ATP8B1: variants seen among roughly 807,000 people sequenced by gnomAD.
The protein encoded by ATP8B1 is ATPase phospholipid transporting 8B1.
ATP8B1 carries 80 observed loss-of-function variants against 149.9 expected under a neutral mutation model. The ratio of observed to expected loss-of-function variants is 0.53; its 90% CI spans 0.45 to 0.64. The LOEUF is 0.64. Ranked by LOEUF, ATP8B1 falls within the 30% of genes least tolerant of loss-of-function variation. ATP8B1 has a pLI of 0.00. For missense variants in ATP8B1, 1,247 were observed against 1,552.6 expected (o/e 0.80, Z 3.31); for synonymous variants, 536 against 562.8 (o/e 0.95, Z 0.67).
At position 57,651,378 on chromosome 18, in the gene ATP8B1, T is replaced by A. The variant is rs8090219; in HGVS notation, c.3400+656A>T. 5.0e-3 allele frequency among the ~76,000 whole-genome samples: 755 copies of A among 152,328 alleles called. 5 individuals carry two copies. The highest frequency in any genetic ancestry group is 0.017 in the African/African-American group (713 of 41,570). ...ATATTGGCCTCCCAAAGTGCTGGGA[T>A]TACAGGCGTGAGCTACCACATCTAG... is the stretch of plus-strand genomic sequence containing the variant. On this transcript the variant is annotated intron_variant, in intron 26 of 27. Coordinates refer to ENST00000648908, the MANE Select transcript of ATP8B1 (RefSeq NM_001374385.1).
In ATP8B1 at chr18:57,695,257, C is replaced by A. The variant is rs754073606; in HGVS notation, c.854G>T (p.Ser285Ile). Reference sequence around the variant, plus strand: ...AATTTTATCAGCATCCAAAGGAAAACTTGTGTTTCTCCAAAATAGTGTTCC... The same window carrying A: ...AATTTTATCAGCATCCAAAGGAAAAATTGTGTTTCTCCAAAATAGTGTTCC... ...FTGTLFWRNTSFPLDADKILL... is the reference protein window; with the variant it reads ...FTGTLFWRNTIFPLDADKILL... Residue 285 changes from serine to isoleucine, a missense_variant, in exon 10 of 28, where the codon AGT becomes ATT. Around this residue, in one of 3 missense-constraint regions of ATP8B1, gnomAD observed 853 missense variants for 1,035.7 expected, o/e 0.82. Transcript: ENST00000648908. 15 of 1,613,760 alleles carry A rather than the reference C, an allele frequency of 9.3e-6. No homozygotes were observed. The highest frequency in any genetic ancestry group is 1.3e-5 in the Non-Finnish European group (15 of 1,179,796).
At chr18:57,779,378 A>C (rs938221685) in intron 1 of ATP8B1, among the ~76,000 whole-genome samples, 2 of 152,108 alleles carry the variant, frequency 1.3e-5, no homozygotes, top group African/African-American at 2.4e-5. Flanking sequence ...CAGCAGAGAG[A>C]AATTACTTCA....
intron 2 of ATP8B1, chr18:57,731,364 T>A: frequency 5.5e-6 from 1 of 183,212 alleles, no homozygotes; most frequent in South Asian, 6.7e-5. Flanking sequence ...TATATATATA[T>A]ATATATATAT....
At chr18:57,731,006 T>C (rs1273366140) in intron 2 of ATP8B1, among the ~76,000 whole-genome samples, 3 of 152,118 alleles carry the variant, frequency 2.0e-5, no homozygotes, top group Non-Finnish European at 4.4e-5. Context: ...TAAGAATATA[T>C]ACACTGGCTA....
At chr18:57,758,064 A>G (rs1189031485) in intron 1 of ATP8B1, among the ~76,000 whole-genome samples, 2 of 152,140 alleles carry the variant, frequency 1.3e-5, no homozygotes, top group African/African-American at 2.4e-5. Flanking sequence ...GACTGGTCTT[A>G]GGCGGGAGGA....
chr18:57,800,237 G>A (rs2080561161), intron 1 of ATP8B1, among the ~76,000 whole-genome samples: 4 of 152,240 alleles, frequency 2.6e-5, no homozygotes, highest in African/African-American at 9.6e-5. Flanking sequence ...GCTCACACCT[G>A]TAATCCCAGC....
Position 57,792,883 on chromosome 18 carries a change from A to C in ATP8B1, c.-26+10115T>G, listed in dbSNP as rs546289275. Among the ~76,000 whole-genome samples the C allele has an allele frequency of 1.6e-4, 24 of 152,250 alleles. No individual in the cohort carries two copies. The South Asian group carries it at 3.5e-3, about 22-fold the overall frequency. On this transcript the variant is annotated intron_variant, in intron 1 of 27. Transcript: ENST00000648908. ...TAGGGAGGGGGACTAGGGGCTTGTG[A>C]GTGGCAATAGCTGCAGCAGCAGCCC...
chr18:57,764,245 GCCTT>G (rs564194950), intron 1 of ATP8B1, among the ~76,000 whole-genome samples: 45 of 151,916 alleles, frequency 3.0e-4, no homozygotes, highest in African/African-American at 8.9e-4. Flanking sequence ...CAGGGAGCCT[GCCTT>G]CCTTCCTTCC....
At chr18:57,703,554 C>A (rs527572156) in intron 4 of ATP8B1, among the ~76,000 whole-genome samples, 5 of 137,822 alleles carry the variant, frequency 3.6e-5, no homozygotes, top group Admixed American at 3.3e-4. Context: ...CCAGCCTGGA[C>A]GACAAGAGCG....
At chr18:57,721,407 C>T (rs1272289418) in intron 2 of ATP8B1, among the ~76,000 whole-genome samples, 11 of 143,374 alleles carry the variant, frequency 7.7e-5, no homozygotes, top group Admixed American at 2.1e-4. Flanking sequence ...GGAAGATCTA[C>T]CAAGCAAATG....
chr18:57,797,995 C>T (rs2663847), intron 1 of ATP8B1, among the ~76,000 whole-genome samples: 21,562 of 152,128 alleles, frequency 0.14, 2,123 homozygotes, highest in East Asian at 0.44. Flanking sequence ...TGAGCCACCA[C>T]GCCAGGCCTC....
intron 24 of ATP8B1, among the ~76,000 whole-genome samples, chr18:57,653,682 CTTTTTT>C (rs71171057): frequency 3.8e-4 from 45 of 117,824 alleles, no homozygotes; most frequent in South Asian, 1.4e-3. Flanking sequence ...CCTCTTTTCT[CTTTTTT>C]TTTTTTTTTT....
chr18:57,733,705 C>CAA (rs141146206), intron 1 of ATP8B1, among the ~76,000 whole-genome samples: 58 of 95,164 alleles, frequency 6.1e-4, no homozygotes, highest in African/African-American at 2.0e-3. Context: ...GACTCCATCT[C>CAA]AAAAAAAAAA....
rs750281258 is a variant in ATP8B1, at chr18:57,650,467, T to A, written c.3431A>T (p.Tyr1144Phe). The A allele has an allele frequency of 6.2e-7, 1 of 1,613,864 alleles. No individual in the cohort carries two copies. Among genetic ancestry groups the A allele is most frequent in the Admixed American group, 1.7e-5 (1 of 60,006 alleles). The change falls in exon 27 of 28, where the codon TAC (tyrosine) becomes TTC (phenylalanine). Residue 1144 changes from tyrosine to phenylalanine, a missense_variant. This residue lies in a region of ATP8B1 where 164 missense variants were observed against 160.3 expected (regional missense o/e 1.02). Coordinates refer to ENST00000648908, the MANE Select transcript of ATP8B1 (RefSeq NM_001374385.1). ...GTASNALRQP[Y>F]IWLTIILAVA... ...AGCCAGGATGATAGTTAACCAAATGTATGGCTGTCTCAGAGCGTTTGAAGC... is the reference window on the plus strand; with the variant it reads ...AGCCAGGATGATAGTTAACCAAATGAATGGCTGTCTCAGAGCGTTTGAAGC...
chr18:57,765,703 G>A lies in ATP8B1; in HGVS notation c.-25-33871C>T, dbSNP rs115121271. 4.6e-3 allele frequency among the ~76,000 whole-genome samples: 691 copies of A among 151,124 alleles called. 10 individuals carry two copies. The highest frequency in any genetic ancestry group is 0.016 in the African/African-American group (642 of 41,166). On this transcript the variant is annotated intron_variant, in intron 1 of 27. Transcript: ENST00000648908. The stretch of plus-strand genomic sequence containing the variant: ...AAAAAAAAAAAGGTTAAGGTCAAGC[G>A]CATTGGCTCACACCTGTAATCCGAG...
chr18:57,727,598 G>C (rs2079721241), intron 2 of ATP8B1, among the ~76,000 whole-genome samples: 1 of 152,104 alleles, frequency 6.6e-6, no homozygotes, highest in African/African-American at 2.4e-5. Context: ...AGACCATCCT[G>C]GCCAACATGG....
intron 22 of ATP8B1, among the ~76,000 whole-genome samples, chr18:57,655,758 G>A (rs1909954874): frequency 6.6e-6 from 1 of 152,192 alleles, no homozygotes; most frequent in African/African-American, 2.4e-5. Context: ...CTGTGTCCTT[G>A]CCTCTTTGGC....
intron 1 of ATP8B1, chr18:57,735,194 G>C (rs941853556): frequency 1.8e-5 from 3 of 167,138 alleles, no homozygotes; most frequent in African/African-American, 7.2e-5. Context: ...TTCGCTCGCC[G>C]TCCACCACTG....
chr18:57,685,259 G>T, intron 13 of ATP8B1, 144 bp from the exon 14 acceptor site: 1 of 914,962 alleles, frequency 1.1e-6, no homozygotes. Flanking sequence ...GCACTTTACA[G>T]AAAACGTTAG....
Sources: allele counts gnomAD v4.1 joint callset (sites outside exome capture counted in the v4.1 genomes callset), GRCh38; gene constraint gnomAD v4.1.1; regional missense constraint gnomAD v4.1.1; transcripts MANE v1.5; gene names NCBI Gene and HGNC (gene_info 2026-07-23, HGNC 2026-07-21).